The following DENND4A variants were observed in gnomAD, a reference collection of about 807,000 sequenced individuals.
The protein encoded by DENND4A is DENN domain containing 4A, also known as C-myc promoter-binding protein.
A neutral mutation model predicts 199.3 loss-of-function variants in DENND4A; 70 were observed. That is an observed-to-expected ratio of 0.35 (90% CI 0.29 to 0.43). DENND4A has a LOEUF of 0.43. DENND4A is among the 20% of genes least tolerant of loss of function. DENND4A has a pLI of 1.00. For synonymous variants in DENND4A, 686 were observed against 766.9 expected (o/e 0.89, Z 1.74); for missense variants, 1,723 against 2,255.8 (o/e 0.76, Z 4.78).
intron 4 of DENND4A, among the ~76,000 whole-genome samples, chr15:65,743,824 A>G (rs1338752000): frequency 1.3e-5 from 2 of 152,256 alleles, no homozygotes; most frequent in African/African-American, 4.8e-5. Flanking sequence ...TAAAGAGGCA[A>G]TGACAGCAGA....
At chr15:65,723,702 T>C (rs1864955776) in intron 11 of DENND4A, among the ~76,000 whole-genome samples, 1 of 152,170 alleles carries the variant, frequency 6.6e-6, no homozygotes, top group South Asian at 2.1e-4. Flanking sequence ...ATTTATAAAT[T>C]AGGCACAGTA....
chr15:65,715,320 A>G, intron 14 of DENND4A, 158 bp downstream of exon 14: 1 of 631,918 alleles, frequency 1.6e-6, no homozygotes, highest in Non-Finnish European at 2.5e-6. Context: ...GCATTCTATA[A>G]TTTCTAGCAG....
intron 1 of DENND4A, among the ~76,000 whole-genome samples, chr15:65,778,135 A>T (rs942958319): frequency 1.3e-5 from 2 of 152,210 alleles, no homozygotes; most frequent in African/African-American, 4.8e-5. Flanking sequence ...CTATAAATCC[A>T]ACTTCAGTGT....
intron 1 of DENND4A, among the ~76,000 whole-genome samples, chr15:65,789,862 A>C (rs1374353485): frequency 6.6e-6 from 1 of 152,220 alleles, no homozygotes; most frequent in East Asian, 1.9e-4. Flanking sequence ...AGCAGTTATA[A>C]GAGTAATAAC....
intron 14 of DENND4A, among the ~76,000 whole-genome samples, chr15:65,710,408 A>G (rs550686253): frequency 4.3e-4 from 66 of 152,338 alleles, no homozygotes; most frequent in Admixed American, 2.4e-3. Context: ...TTGGTTACCA[A>G]TTTGGTCCCT....
At position 65,701,262 on chromosome 15, in the gene DENND4A, T is replaced by C. The variant is rs142283905; in HGVS notation, c.2560-70A>G. The C allele has an allele frequency of 1.4e-3, 1,824 of 1,306,090 alleles. 27 individuals are homozygous for C. The Admixed American group carries it at 0.031, about 22-fold the overall frequency. 80.9% of individuals were successfully genotyped at this position (1,306,090 alleles called of 1,614,324 possible). A position where few individuals can be genotyped will look rare whatever the true frequency, so the allele number is the denominator to read the frequency against. On this transcript the variant is annotated intron_variant, in intron 18 of 32. Transcript: ENST00000443035. ...AAGTGAACATATATTGGTTTCAGAA[T>C]TAAGCTAAAGAATATCAAAGTAGGC... is the stretch of plus-strand genomic sequence containing the variant.
At chr15:65,788,359 G>A (rs1356226212) in intron 1 of DENND4A, among the ~76,000 whole-genome samples, 3 of 152,182 alleles carry the variant, frequency 2.0e-5, no homozygotes, top group Non-Finnish European at 4.4e-5. Context: ...ACAGGCGTGA[G>A]CCACTGCGCC....
chr15:65,718,020 G>A (rs778259404), intron 12 of DENND4A, 24 bp from the exon 13 acceptor site: 4 of 1,522,158 alleles, frequency 2.6e-6, no homozygotes, highest in Non-Finnish European at 3.6e-6. Context: ...CAGTGTTAGT[G>A]TTTTCTCCAA....
Position 65,660,744 on chromosome 15 carries a change from T to C in DENND4A, c.*1107A>G, listed in dbSNP as rs937284046. The C allele has an allele frequency of 3.9e-5, 6 of 154,088 alleles. No homozygotes were observed. The highest frequency in any genetic ancestry group is 1.2e-4 in the African/African-American group (5 of 41,614). 9.5% of individuals were successfully genotyped at this position (154,088 alleles called of 1,614,324 possible). A position where few individuals can be genotyped will look rare whatever the true frequency, so the allele number is the denominator to read the frequency against. On this transcript the variant is annotated 3_prime_UTR_variant, in exon 33 of 33. Transcript: ENST00000443035. ...TTGTTGAAAAAGCTAAGTTCCTCAATATGGATGAAAATCTATCTGGCTGTA... is the reference window on the plus strand; with the variant it reads ...TTGTTGAAAAAGCTAAGTTCCTCAACATGGATGAAAATCTATCTGGCTGTA...
At chr15:65,702,806 G>A (rs370027470) in intron 16 of DENND4A, 67 bp downstream of exon 16, 51 of 1,399,056 alleles carry the variant, frequency 3.6e-5, no homozygotes, top group East Asian at 1.1e-4. Context: ...AGCATATTAC[G>A]GGAGGATAAA....
At chr15:65,683,840 T>C (rs1212438612) in intron 23 of DENND4A, among the ~76,000 whole-genome samples, 5 of 152,214 alleles carry the variant, frequency 3.3e-5, no homozygotes, top group African/African-American at 7.2e-5. Context: ...TTTTAGAAAA[T>C]CTTTACCACC....
intron 1 of DENND4A, among the ~76,000 whole-genome samples, chr15:65,762,144 A>G (rs2076867987): frequency 6.6e-6 from 1 of 151,964 alleles, no homozygotes; most frequent in Admixed American, 6.5e-5. Flanking sequence ...AGTAGCCGGG[A>G]TTACAGGCAT....
At chr15:65,733,799 C>T (rs942312902) in intron 7 of DENND4A, among the ~76,000 whole-genome samples, 1 of 152,176 alleles carries the variant, frequency 6.6e-6, no homozygotes, top group Non-Finnish European at 1.5e-5. Flanking sequence ...ACGCCGTGCT[C>T]TCTGAAACAT....
intron 23 of DENND4A, among the ~76,000 whole-genome samples, chr15:65,678,617 C>T (rs1415122057): frequency 2.0e-5 from 3 of 152,214 alleles, no homozygotes; most frequent in Non-Finnish European, 4.4e-5. Context: ...CCAGTTCAAA[C>T]AGTTTTTCAG....
At chr15:65,786,437 T>C (rs1040648696) in intron 1 of DENND4A, among the ~76,000 whole-genome samples, 4 of 152,088 alleles carry the variant, frequency 2.6e-5, no homozygotes, top group African/African-American at 9.7e-5. Context: ...TTATATAAAT[T>C]AGCTCATTTA....
chr15:65,723,475 TA>T (rs1381891241), intron 11 of DENND4A, among the ~76,000 whole-genome samples: 2 of 152,104 alleles, frequency 1.3e-5, no homozygotes, highest in Non-Finnish European at 2.9e-5. Flanking sequence ...AAAAAAGAAA[TA>T]ACCTATTATA....
chr15:65,722,435 A>G (rs2140319476), intron 12 of DENND4A, among the ~76,000 whole-genome samples: 1 of 152,260 alleles, frequency 6.6e-6, no homozygotes, highest in South Asian at 2.1e-4. Context: ...GCCACACACT[A>G]TAACCTGGGT....
chr15:65,778,303 T>C (rs2077336459), intron 1 of DENND4A, among the ~76,000 whole-genome samples: 1 of 150,750 alleles, frequency 6.6e-6, no homozygotes, highest in South Asian at 2.1e-4. Context: ...GGGGGTGAGG[T>C]TTTTCTTCTC....
chr15:65,735,691 G>A (rs1192644184), intron 7 of DENND4A, among the ~76,000 whole-genome samples: 1 of 152,194 alleles, frequency 6.6e-6, no homozygotes, highest in East Asian at 1.9e-4. Flanking sequence ...AACTTCTGCT[G>A]TATACAGAAG....
Sources: allele counts gnomAD v4.1 joint callset (sites outside exome capture counted in the v4.1 genomes callset), GRCh38; gene constraint gnomAD v4.1.1; transcripts MANE v1.5; gene names NCBI Gene and HGNC (gene_info 2026-07-23, HGNC 2026-07-21).